Variants in GABRB1 observed in about 807,000 individuals in gnomAD.
GABRB1 encodes gamma-aminobutyric acid receptor subunit beta-1.
A neutral mutation model predicts 51.6 loss-of-function variants in GABRB1; 17 were observed. The observed-to-expected ratio is 0.33, with a 90% CI of 0.23 to 0.49. The LOEUF (loss-of-function observed/expected upper bound fraction) is 0.49, where lower values mean the gene tolerates loss of function less well. Ranked by LOEUF, GABRB1 falls within the 20% of genes least tolerant of loss-of-function variation. The probability of loss-of-function intolerance (pLI) is 0.99; values close to 1 mark genes in which losing one functional copy is unlikely to be tolerated. For synonymous variants in GABRB1, 247 were observed against 218.9 expected, an observed-to-expected ratio of 1.13 and a Z score of -1.14; for missense variants, 410 against 600.6, an observed-to-expected ratio of 0.68 and a Z score of 3.32.
chr4:47,409,437 C>T (rs994262873), intron 8 of GABRB1, among the ~76,000 whole-genome samples: 3 of 152,122 alleles, frequency 2.0e-5, no homozygotes, highest in Non-Finnish European at 2.9e-5. Flanking sequence ...TTGGCCATCC[C>T]GCGGCCATCT....
chr4:47,409,646 G>A (rs1424952086), intron 8 of GABRB1, among the ~76,000 whole-genome samples: 4 of 152,220 alleles, frequency 2.6e-5, no homozygotes, highest in African/African-American at 9.6e-5. Flanking sequence ...AGAAATGCCT[G>A]TTCCCATTTA....
chr4:47,169,968 C>T (rs1718369619), intron 4 of GABRB1, among the ~76,000 whole-genome samples: 1 of 152,154 alleles, frequency 6.6e-6, no homozygotes, highest in Admixed American at 6.5e-5. Context: ...AGAAGGTAGA[C>T]AGCCTAAATG....
chr4:47,048,340 G>T (rs1318555292), intron 3 of GABRB1, among the ~76,000 whole-genome samples: 2 of 152,100 alleles, frequency 1.3e-5, no homozygotes, highest in African/African-American at 4.8e-5. Context: ...AGAAAAAGCT[G>T]CCATGTCACT....
chr4:46,999,636 C>T (rs1577811484), intron 1 of GABRB1, among the ~76,000 whole-genome samples: 1 of 152,258 alleles, frequency 6.6e-6, no homozygotes, highest in East Asian at 1.9e-4. Flanking sequence ...AGAAATCATT[C>T]TCCAAAGAGC....
intron 4 of GABRB1, among the ~76,000 whole-genome samples, chr4:47,304,319 A>T (rs558892323): frequency 6.6e-6 from 1 of 151,944 alleles, no homozygotes; most frequent in Non-Finnish European, 1.5e-5. Context: ...CATCTTTTTG[A>T]TAATAACCAT....
chr4:47,094,229 CT>C (rs35279182), intron 3 of GABRB1, among the ~76,000 whole-genome samples: 43,277 of 126,038 alleles, frequency 0.34, 6,329 homozygotes, highest in Middle Eastern at 0.47. Flanking sequence ...TCTTTTTTCT[CT>C]TTTTTTTTTT....
intron 5 of GABRB1, among the ~76,000 whole-genome samples, chr4:47,372,188 T>C (rs924524974): frequency 6.6e-6 from 1 of 152,224 alleles, no homozygotes; most frequent in Non-Finnish European, 1.5e-5. Context: ...ATTTATTAAA[T>C]ATGGAATCCT....
chr4:47,374,359 A>C (rs2110022035), intron 5 of GABRB1, among the ~76,000 whole-genome samples: 1 of 152,324 alleles, frequency 6.6e-6, no homozygotes, highest in Admixed American at 6.5e-5. Flanking sequence ...ACTGCACTCC[A>C]GCCTGGGCAA....
rs771509724 is a variant in GABRB1, at chr4:47,403,727, C to T, written c.835+16C>T. On this transcript the variant is annotated intron_variant, in intron 7 of 8. Transcript: ENST00000295454. ...GTCGCACTAGGTAATACATTCTCAG[C>T]ACTGCAGAGAGCTAACAGATTTTAC... 6.2e-7 allele frequency: 1 copy of T among 1,608,700 alleles called. No homozygotes were observed. The highest frequency in any genetic ancestry group is 2.2e-5 in the East Asian group (1 of 44,858).
intron 3 of GABRB1, among the ~76,000 whole-genome samples, chr4:47,130,563 T>C (rs1219641441): frequency 6.6e-6 from 1 of 152,116 alleles, no homozygotes; most frequent in Non-Finnish European, 1.5e-5. Flanking sequence ...CTCCTGACCA[T>C]TTGCCTCCCC....
At chr4:47,094,132 A>G (rs187312759) in intron 3 of GABRB1, among the ~76,000 whole-genome samples, 1 of 152,136 alleles carries the variant, frequency 6.6e-6, no homozygotes, top group African/African-American at 2.4e-5. Flanking sequence ...TCCTTTGGCT[A>G]TGATTGGAAA....
At chr4:47,246,047 T>A (rs1009117775) in intron 4 of GABRB1, among the ~76,000 whole-genome samples, 9 of 148,548 alleles carry the variant, frequency 6.1e-5, no homozygotes, top group Admixed American at 5.4e-4. Context: ...ATATTTGTAG[T>A]CTTTTATCCC....
At chr4:47,008,853 C>CTTTTTTTTTTTTTTTT (rs1491180948) in intron 1 of GABRB1, among the ~76,000 whole-genome samples, 1 of 80,066 alleles carries the variant, frequency 1.2e-5, no homozygotes, top group Non-Finnish European at 2.2e-5. Context: ...CAGATACTAC[C>CTTTTTTTTTTTTTTTT]TTTTTTTTTT....
At chr4:47,299,239 G>T (rs564159644) in intron 4 of GABRB1, among the ~76,000 whole-genome samples, 4 of 152,208 alleles carry the variant, frequency 2.6e-5, no homozygotes, top group African/African-American at 9.6e-5. Flanking sequence ...ATTGACAAAT[G>T]GGATCTCATT....
Position 47,317,897 on chromosome 4 carries a change from A to G in GABRB1, c.462-2230A>G, listed in dbSNP as rs558434065. On this transcript the variant is annotated intron_variant, in intron 4 of 8. Transcript: ENST00000295454. ...AATCATCCTTGTATCCCAGTAACAA[A>G]TCCCTCTTGGTCATTGTACATAATC... Among the ~76,000 whole-genome samples the G allele has an allele frequency of 1.1e-3, 173 of 152,102 alleles. 1 individual carries two copies. The highest frequency in any genetic ancestry group is 2.3e-3 in the Non-Finnish European group (156 of 67,868).
chr4:47,126,148 A>G (rs1716133787), intron 3 of GABRB1, among the ~76,000 whole-genome samples: 1 of 152,084 alleles, frequency 6.6e-6, no homozygotes, highest in South Asian at 2.1e-4. Context: ...AGCATGGATG[A>G]ACCTAGAGGA....
At chr4:47,103,101 T>C (rs1714792235) in intron 3 of GABRB1, among the ~76,000 whole-genome samples, 1 of 151,880 alleles carries the variant, frequency 6.6e-6, no homozygotes, top group Admixed American at 6.6e-5. Flanking sequence ...TGAATAGAGA[T>C]GAGGAGGGAG....
At chr4:47,177,924 C>A (rs1188366497) in intron 4 of GABRB1, among the ~76,000 whole-genome samples, 1 of 149,782 alleles carries the variant, frequency 6.7e-6, no homozygotes, top group African/African-American at 2.5e-5. Flanking sequence ...AGGCACATGT[C>A]TGGAATGCTG....
At chr4:47,286,805 AT>A (rs1432066312) in intron 4 of GABRB1, among the ~76,000 whole-genome samples, 1 of 152,230 alleles carries the variant, frequency 6.6e-6, no homozygotes, top group Non-Finnish European at 1.5e-5. Flanking sequence ...AAAAAATTAA[AT>A]AGAAAAATAT....
Sources: allele counts gnomAD v4.1 joint callset (sites outside exome capture counted in the v4.1 genomes callset), GRCh38; gene constraint gnomAD v4.1.1; transcripts MANE v1.5; gene names NCBI Gene and HGNC (gene_info 2026-07-23, HGNC 2026-07-21).